CA10: variants seen among roughly 807,000 people sequenced by gnomAD.
CA10 encodes carbonic anhydrase-related protein 10.
Under a neutral mutation model 44.2 loss-of-function variants are expected in CA10, and 14 were observed. That is an observed-to-expected ratio of 0.32 (90% CI 0.21 to 0.50). The LOEUF (loss-of-function observed/expected upper bound fraction) is 0.50. Ranked by LOEUF, CA10 falls within the 20% of genes least tolerant of loss-of-function variation. The pLI is 0.99. For missense variants in CA10, 350 were observed against 409.7 expected (o/e 0.85, Z 1.26); for synonymous variants, 159 against 141.6 (o/e 1.12, Z -0.87).
At chr17:51,799,818 T>A (rs1299315126) in intron 3 of CA10, among the ~76,000 whole-genome samples, 1 of 152,210 alleles carries the variant, frequency 6.6e-6, no homozygotes, top group Non-Finnish European at 1.5e-5. Flanking sequence ...TGAGATGCCA[T>A]TTCATTCCCA....
intron 1 of CA10, among the ~76,000 whole-genome samples, chr17:52,114,959 C>T (rs1450432231): frequency 1.3e-5 from 2 of 152,184 alleles, no homozygotes; most frequent in African/African-American, 4.8e-5. Flanking sequence ...CTGATATATG[C>T]AGGAGGCAGA....
At chr17:51,882,531 G>T (rs1206797040) in intron 3 of CA10, among the ~76,000 whole-genome samples, 1 of 152,172 alleles carries the variant, frequency 6.6e-6, no homozygotes, top group African/African-American at 2.4e-5. Context: ...CTTTCTCCAG[G>T]TATCACCTGA....
intron 3 of CA10, chr17:51,748,323 C>A (rs992232743): frequency 1.9e-5 from 4 of 213,570 alleles, no homozygotes; most frequent in African/African-American, 9.4e-5. Flanking sequence ...GTGTGTCCTG[C>A]CCTGCAACCA....
At chr17:52,142,707 G>C (rs1407397013) in intron 1 of CA10, among the ~76,000 whole-genome samples, 1 of 151,964 alleles carries the variant, frequency 6.6e-6, no homozygotes, top group Non-Finnish European at 1.5e-5. Flanking sequence ...GCCCTAGGAG[G>C]GGGAATCATC....
At chr17:51,765,152 G>C (rs1232648899) in intron 3 of CA10, among the ~76,000 whole-genome samples, 1 of 152,136 alleles carries the variant, frequency 6.6e-6, no homozygotes, top group Non-Finnish European at 1.5e-5. Flanking sequence ...TTGGGGTTGG[G>C]GGGAGAAGGG....
intron 3 of CA10, among the ~76,000 whole-genome samples, chr17:51,825,783 G>T (rs1411045867): frequency 1.3e-5 from 2 of 152,164 alleles, no homozygotes; most frequent in African/African-American, 4.8e-5. Flanking sequence ...CCTCTTCCAT[G>T]ATAAAGGAAA....
chr17:51,780,071 A>T (rs1905994922), intron 3 of CA10, among the ~76,000 whole-genome samples: 2 of 151,894 alleles, frequency 1.3e-5, no homozygotes, highest in Non-Finnish European at 2.9e-5. Context: ...CAGAAAAAAA[A>T]CTTTAAATAG....
At chr17:52,055,795 C>A (rs1169921251) in intron 2 of CA10, among the ~76,000 whole-genome samples, 1 of 152,062 alleles carries the variant, frequency 6.6e-6, no homozygotes, top group Non-Finnish European at 1.5e-5. Context: ...TTAAATGAGG[C>A]ATAATTCTGG....
intron 4 of CA10, among the ~76,000 whole-genome samples, chr17:51,734,176 G>A (rs1371893025): frequency 2.1e-5 from 2 of 96,028 alleles, no homozygotes; most frequent in African/African-American, 1.2e-4. Context: ...TCAATCTTTG[G>A]TTGGGGGGGG....
intron 6 of CA10, among the ~76,000 whole-genome samples, chr17:51,636,617 T>C (rs1287525234): frequency 1.3e-5 from 2 of 152,166 alleles, no homozygotes; most frequent in East Asian, 3.8e-4. Flanking sequence ...GCATTACAGG[T>C]ATCATGAGAT....
chr17:52,111,956 T>C (rs1305583526), intron 1 of CA10, among the ~76,000 whole-genome samples: 1 of 152,108 alleles, frequency 6.6e-6, no homozygotes, highest in Non-Finnish European at 1.5e-5. Context: ...AAAACAAATC[T>C]AGCAGGTGGT....
At chr17:51,638,016 T>C (rs934454399) in intron 6 of CA10, among the ~76,000 whole-genome samples, 1 of 152,234 alleles carries the variant, frequency 6.6e-6, no homozygotes, top group Non-Finnish European at 1.5e-5. Context: ...CTGCCTGTAC[T>C]TACCTACTGA....
chr17:51,925,441 C>T (rs1382214238), intron 3 of CA10, among the ~76,000 whole-genome samples: 1 of 147,646 alleles, frequency 6.8e-6, no homozygotes, highest in Non-Finnish European at 1.5e-5. Flanking sequence ...AAAAAAAAAA[C>T]AACAAGTTTC....
intron 2 of CA10, among the ~76,000 whole-genome samples, chr17:52,054,873 G>C (rs2143064612): frequency 6.6e-6 from 1 of 152,120 alleles, no homozygotes; most frequent in Admixed American, 6.6e-5. Context: ...GATGGGAGAA[G>C]ATAATCAAAG....
chr17:52,153,309 T>G (rs150098255), intron 1 of CA10, among the ~76,000 whole-genome samples: 1 of 152,214 alleles, frequency 6.6e-6, no homozygotes, highest in African/African-American at 2.4e-5. Flanking sequence ...AGATAAATAG[T>G]CATTGTAAGG....
At chr17:51,697,493 C>T (rs1406969958) in intron 4 of CA10, among the ~76,000 whole-genome samples, 1 of 152,190 alleles carries the variant, frequency 6.6e-6, no homozygotes, top group Non-Finnish European at 1.5e-5. Flanking sequence ...TGAGGCTTGT[C>T]CTGACTCTTC....
At chr17:51,898,258 GT>G (rs1041844936) in intron 3 of CA10, among the ~76,000 whole-genome samples, 1 of 151,590 alleles carries the variant, frequency 6.6e-6, no homozygotes, top group African/African-American at 2.4e-5. Context: ...CTGGTTTGTT[GT>G]TTTTTTAAAA....
At chr17:52,154,999 A>C (rs1503047) in intron 1 of CA10, among the ~76,000 whole-genome samples, 26,480 of 152,184 alleles carry the variant, frequency 0.17, 2,532 homozygotes, top group African/African-American at 0.24. Flanking sequence ...ACACTAAGCT[A>C]CAAAGCGCCA....
chr17:51,896,685 A>C (rs1981081363), intron 3 of CA10, among the ~76,000 whole-genome samples: 1 of 152,094 alleles, frequency 6.6e-6, no homozygotes, highest in Non-Finnish European at 1.5e-5. Context: ...GGCTGAACTA[A>C]TTTACACTCC....
Sources: gnomAD v4.1 joint callset for allele counts (sites outside exome capture counted in the v4.1 genomes callset) on GRCh38, gnomAD v4.1.1 for gene constraint, MANE v1.5 for transcripts, NCBI Gene and HGNC (gene_info 2026-07-23, HGNC 2026-07-21) for gene names.